Variants in SLPI observed in about 807,000 individuals in gnomAD.
The protein encoded by SLPI is secretory leukocyte peptidase inhibitor, also known as antileukoproteinase.
Under a neutral mutation model 14.3 loss-of-function variants are expected in SLPI, and 20 were observed. The ratio of observed to expected loss-of-function variants is 1.40; its 90% CI spans 0.99 to 2.04. The LOEUF is 2.04. SLPI is among the 30% of genes most tolerant of loss of function. The pLI is 0.00. For missense variants in SLPI, 169 were observed against 159.4 expected (o/e 1.06, Z -0.32); for synonymous variants, 68 against 54.8 (o/e 1.24, Z -1.07).
At position 45,253,202 on chromosome 20, in the gene SLPI, C is replaced by T. The variant is rs373659010; in HGVS notation, c.245-51G>A. On this transcript the variant is annotated intron_variant, in intron 2 of 3. Transcript: ENST00000338380. ...AGAGGCCTTGTACTTTATACAACCC[C>T]TCCCATCCCCACTTTTTAGAGTGAG... is the stretch of plus-strand genomic sequence containing the variant. 5.7e-6 allele frequency: 9 copies of T among 1,580,730 alleles called. No individual in the cohort carries two copies. In the African/African-American group the frequency reaches 8.1e-5, roughly 14 times the overall value.
Position 45,253,636 on chromosome 20 carries a change from C to T in SLPI, c.183G>A (p.Lys61=), listed in dbSNP as rs775166207. 1.4e-5 allele frequency: 22 copies of T among 1,614,092 alleles called. No homozygotes were observed. Among genetic ancestry groups the T allele is most frequent in the Non-Finnish European group, 1.7e-5 (20 of 1,180,020 alleles). Residue 61 remains lysine (K), a synonymous_variant, in exon 2 of 4, where the codon AAG becomes AAA. Coordinates refer to ENST00000338380, the MANE Select transcript of SLPI (RefSeq NM_003064.4). ...TGCCACAAGTGTCAGGACAACATCT[C>T]TTCTTCCCTGGACACTGCCAGTCAC... ...CQSDWQCPGK[K]RCCPDTCGIK... is the part of the protein sequence containing the mutation.
In SLPI at chr20:45,253,539, C is replaced by G; in HGVS notation, c.244+36G>C. 3 of 1,596,400 alleles carry G rather than the reference C, an allele frequency of 1.9e-6. No individual in the cohort carries two copies. In the African/African-American group the frequency reaches 4.0e-5, roughly 21 times the overall value. On this transcript the variant is annotated intron_variant, in intron 2 of 3. Transcript: ENST00000338380. ...ATCCCTCTAATGCTGTGTCCCCAGG[C>G]TCACTCCTCTCTACCCAGTTCCCCG...
Position 45,254,465 on chromosome 20 carries a change from C to T in SLPI, c.79G>A (p.Gly27Arg), listed in dbSNP as rs779408568. The T allele has an allele frequency of 6.2e-7, 1 of 1,614,082 alleles. No homozygotes were observed. The highest frequency in any genetic ancestry group is 1.1e-5 in the South Asian group (1 of 91,074). Reference protein sequence around the residue: ...TLAPWAVEGSGKSFKAGVCPP... With the variant: ...TLAPWAVEGSRKSFKAGVCPP... ...CAGAGTGACTCCAACTTACACTTTC[C>T]AGAGCCTTCCACAGCCCAAGGTGCC... The change falls in exon 1 of 4, where the codon GGA becomes AGA. Residue 27 changes from glycine (G) to arginine (R), a missense_variant. Coordinates refer to ENST00000338380, the MANE Select transcript of SLPI (RefSeq NM_003064.4).
chr20:45,253,734 C>A lies in SLPI; in HGVS notation c.86-1G>T. 6.2e-7 allele frequency: 1 copy of A among 1,613,188 alleles called. No homozygotes were observed. Among genetic ancestry groups the A allele is most frequent in the African/African-American group, 1.3e-5 (1 of 75,022 alleles). ...GGAGGACAGACTCCAGCTTTGAAGG[C>A]TTTTGAAGAGAAAGTCAAGAGGTCA... On this transcript the variant is annotated splice_acceptor_variant, in intron 1 of 3. Coordinates refer to ENST00000338380, the MANE Select transcript of SLPI (RefSeq NM_003064.4). LOFTEE classifies it high-confidence loss of function.
At position 45,254,425 on chromosome 20, in the gene SLPI, C is replaced by A. The variant is rs199971102; in HGVS notation, c.85+34G>T. On this transcript the variant is annotated intron_variant, in intron 1 of 3. Transcript: ENST00000338380. ...CAAGGAGACCCCACCTCTGACCCTG[C>A]AGCCCAGATTAGACCAGAGTGACTC... is the stretch of plus-strand genomic sequence containing the variant. The A allele has an allele frequency of 2.5e-6, 4 of 1,578,102 alleles. No individual in the cohort carries two copies. In the South Asian group the frequency reaches 3.3e-5, roughly 13 times the overall value.
At chr20:45,253,288 C>T (rs1984718630) in intron 2 of SLPI, 137 bp from the exon 3 acceptor site, 2 of 1,075,354 alleles carry the variant, frequency 1.9e-6, no homozygotes, top group South Asian at 3.2e-5. Flanking sequence ...CCACCACCTT[C>T]TCCCTAAGGC....
At chr20:45,252,900 G>T in intron 3 of SLPI, 102 bp downstream of exon 3, 1 of 1,230,926 alleles carries the variant, frequency 8.1e-7, no homozygotes. Context: ...GGCTGTGCTT[G>T]GAGTAGGGTT....
rs914060794 is a variant in SLPI, at chr20:45,253,107, A to G, written c.289T>C (p.Leu97=). 4.3e-6 allele frequency: 7 copies of G among 1,614,058 alleles called. No individual in the cohort carries two copies. In the African/African-American group the frequency reaches 8.0e-5, roughly 18 times the overall value. The change falls in exon 3 of 4, where the codon TTG becomes CTG. Residue 97 remains leucine (L), a synonymous_variant. Coordinates refer to ENST00000338380, the MANE Select transcript of SLPI (RefSeq NM_003064.4). The part of the protein sequence containing the change: ...GKCPVTYGQC[L]MLNPPNFCEM... Reference sequence around the variant, plus strand: ...CAGAAATTGGGGGGGTTAAGCATCAAACATTGGCCATAAGTCACTGGGCAC... The same window carrying G: ...CAGAAATTGGGGGGGTTAAGCATCAGACATTGGCCATAAGTCACTGGGCAC...
intron 1 of SLPI, among the ~76,000 whole-genome samples, chr20:45,254,215 G>C (rs1984751413): frequency 6.6e-6 from 1 of 151,696 alleles, no homozygotes. Context: ...GAGAGAGAGA[G>C]AGAGAGAGAG....
At chr20:45,253,478 G>T in intron 2 of SLPI, 97 bp downstream of exon 2, 1 of 1,200,512 alleles carries the variant, frequency 8.3e-7, no homozygotes, top group Non-Finnish European at 1.2e-6. Flanking sequence ...CTGACGGATT[G>T]ACAAGGAGGC....
At chr20:45,253,479 A>G (rs1984725617) in intron 2 of SLPI, 96 bp downstream of exon 2, 1 of 1,210,460 alleles carries the variant, frequency 8.3e-7, no homozygotes, top group Admixed American at 2.4e-5. Context: ...TGACGGATTG[A>G]CAAGGAGGCC....
In SLPI at chr20:45,253,642, C is replaced by T; in HGVS notation, c.177G>A (p.Gly59=). ...AAGTGTCAGGACAACATCTCTTCTT[C>T]CCTGGACACTGCCAGTCACTCTGGC... is the stretch of plus-strand genomic sequence containing the variant. ...PECQSDWQCP[G]KKRCCPDTCG... Residue 59 remains glycine (G), a synonymous_variant, in exon 2 of 4, where the codon GGG becomes GGA. Coordinates refer to ENST00000338380, the MANE Select transcript of SLPI (RefSeq NM_003064.4). The T allele has an allele frequency of 6.2e-7, 1 of 1,614,134 alleles. No individual in the cohort carries two copies.
intron 1 of SLPI, 132 bp downstream of exon 1, chr20:45,254,327 T>C (rs774640793): frequency 3.0e-4 from 215 of 711,374 alleles, no homozygotes; most frequent in Non-Finnish European, 4.8e-4. Context: ...CAGACATGTA[T>C]TCCACCCTCA....
At position 45,253,927 on chromosome 20, in the gene SLPI, C is replaced by G. The variant is rs1040120342; in HGVS notation, c.86-194G>C. ...TTAAATTAGACAAATGGACAGGGGACGTTTCACACCCAAGAAAAGGGCAGC... is the reference window on the plus strand; with the variant it reads ...TTAAATTAGACAAATGGACAGGGGAGGTTTCACACCCAAGAAAAGGGCAGC... On this transcript the variant is annotated intron_variant, in intron 1 of 3. Transcript: ENST00000338380. Among the ~76,000 whole-genome samples, 3 of 152,068 alleles carry G rather than the reference C, an allele frequency of 2.0e-5. No individual in the cohort carries two copies. The South Asian group carries it at 6.2e-4, about 32-fold the overall frequency.
chr20:45,252,537 T>C, intron 3 of SLPI, 118 bp from the exon 4 acceptor site: 1 of 1,029,894 alleles, frequency 9.7e-7, no homozygotes, highest in Non-Finnish European at 1.5e-6. Context: ...AGCGCTATAG[T>C]TGAGAGAGAC....
intron 3 of SLPI, 127 bp from the exon 4 acceptor site, chr20:45,252,546 A>T: frequency 1.1e-6 from 1 of 915,234 alleles, no homozygotes; most frequent in Non-Finnish European, 1.7e-6. Context: ...GTTGAGAGAG[A>T]CTTAGTGTCA....
chr20:45,254,268 G>A (rs1984754255), intron 1 of SLPI, among the ~76,000 whole-genome samples, 191 bp downstream of exon 1: 1 of 151,906 alleles, frequency 6.6e-6, no homozygotes. Context: ...GCTGCATAGA[G>A]GAAGCATTTC....
chr20:45,252,861 T>A (rs543337323), intron 3 of SLPI, 141 bp downstream of exon 3: 2 of 891,602 alleles, frequency 2.2e-6, no homozygotes, highest in Admixed American at 2.4e-5. Context: ...GGAGAACAGT[T>A]CTCTTGAAGG....
chr20:45,252,707 A>C (rs1370164235), intron 3 of SLPI, among the ~76,000 whole-genome samples: 2 of 152,212 alleles, frequency 1.3e-5, no homozygotes, highest in Admixed American at 6.5e-5. Flanking sequence ...AGTGCTTTGC[A>C]GAGCACTTTC....
Sources: gnomAD v4.1 joint callset for allele counts (sites outside exome capture counted in the v4.1 genomes callset) on GRCh38, gnomAD v4.1.1 for gene constraint, MANE v1.5 for transcripts, NCBI Gene and HGNC (gene_info 2026-07-23, HGNC 2026-07-21) for gene names.